The following NBAS variants were observed in gnomAD, a reference collection of about 807,000 sequenced individuals.
The protein encoded by NBAS is NBAS subunit of NRZ tethering complex.
In NBAS, 219 loss-of-function variants were observed where a neutral mutation model predicts 302.5. The ratio of observed to expected loss-of-function variants is 0.72; its 90% CI spans 0.65 to 0.81. The LOEUF (loss-of-function observed/expected upper bound fraction) is 0.81. Ranked by LOEUF, NBAS falls within the 30% of genes least tolerant of loss-of-function variation. The pLI is 0.00. For missense variants in NBAS, 2,932 were observed against 2,841.6 expected, an observed-to-expected ratio of 1.03 and a Z score of -0.72; for synonymous variants, 1,118 against 1,021.6, an observed-to-expected ratio of 1.09 and a Z score of -1.80.
the NBAS span, among the ~76,000 whole-genome samples, chr2:14,809,731 A>G: frequency 6.6e-6 from 1 of 152,118 alleles, no homozygotes; most frequent in East Asian, 1.9e-4. Context: ...TGTTCTCCAG[A>G]CCCCCAAATG....
At chr2:15,346,534 A>T (rs1049438879) in intron 35 of NBAS, among the ~76,000 whole-genome samples, 4 of 152,220 alleles carry the variant, frequency 2.6e-5, no homozygotes, top group East Asian at 1.9e-4. Context: ...AGAAATAGGA[A>T]TGCTTTTACA....
intron 47 of NBAS, among the ~76,000 whole-genome samples, chr2:15,219,691 C>T (rs1210944830): frequency 1.5e-5 from 2 of 137,764 alleles, no homozygotes; most frequent in East Asian, 4.2e-4. Flanking sequence ...TTTCTTAGTA[C>T]AGAACAAAAT....
At chr2:15,192,619 T>C (rs1432192282) in intron 48 of NBAS, among the ~76,000 whole-genome samples, 1 of 152,198 alleles carries the variant, frequency 6.6e-6, no homozygotes, top group East Asian at 1.9e-4. Context: ...CTGGGCATCA[T>C]ATCTGAAAAA....
the NBAS span, among the ~76,000 whole-genome samples, chr2:15,160,856 T>C: frequency 1.3e-5 from 2 of 152,178 alleles, no homozygotes; most frequent in African/African-American, 4.8e-5. Context: ...GGAACATCCA[T>C]TCTCAGGGTG....
chr2:14,781,497 G>A, the NBAS span, among the ~76,000 whole-genome samples: 1 of 151,632 alleles, frequency 6.6e-6, no homozygotes, highest in Admixed American at 6.6e-5. Context: ...ATCCAATACA[G>A]CATGGCAGGT....
At chr2:15,391,728 T>C (rs1161340469) in intron 28 of NBAS, among the ~76,000 whole-genome samples, 1 of 151,886 alleles carries the variant, frequency 6.6e-6, no homozygotes, top group African/African-American at 2.4e-5. Flanking sequence ...TGAAATTAAA[T>C]TTGAAACTGA....
At chr2:15,131,600 T>G in the NBAS span, among the ~76,000 whole-genome samples, 1 of 152,158 alleles carries the variant, frequency 6.6e-6, no homozygotes, top group Non-Finnish European at 1.5e-5. Flanking sequence ...TTTTTAAAAT[T>G]TTATTATTAT....
chr2:15,374,087 A>G (rs1374042190), intron 31 of NBAS, among the ~76,000 whole-genome samples: 1 of 152,220 alleles, frequency 6.6e-6, no homozygotes, highest in Non-Finnish European at 1.5e-5. Context: ...TATTCAAATA[A>G]AAGAAGTTGA....
At chr2:14,809,847 G>A in the NBAS span, among the ~76,000 whole-genome samples, 1 of 152,168 alleles carries the variant, frequency 6.6e-6, no homozygotes, top group African/African-American at 2.4e-5. Flanking sequence ...AAAGCCACAG[G>A]GGTGGAGCTG....
chr2:14,779,407 G>C, the NBAS span, among the ~76,000 whole-genome samples: 2 of 152,090 alleles, frequency 1.3e-5, no homozygotes, highest in African/African-American at 4.8e-5. Flanking sequence ...CGTTTGAGTG[G>C]AGTGCAAAGC....
rs1667114125 is a variant in NBAS, at chr2:15,225,441, T to C, written c.6237-6473A>G. Among the ~76,000 whole-genome samples the C allele has an allele frequency of 2.0e-5, 3 of 152,262 alleles. No homozygotes were observed. The South Asian group carries it at 6.2e-4, about 32-fold the overall frequency. On this transcript the variant is annotated intron_variant, in intron 47 of 51. Coordinates refer to ENST00000281513, the MANE Select transcript of NBAS (RefSeq NM_015909.4). ...TCAGAGAACACTGGATGATCTACTT[T>C]GCCTCACAGAGCAGGAAGAAGGAAA...
At chr2:15,081,710 C>T in the NBAS span, among the ~76,000 whole-genome samples, 1 of 152,200 alleles carries the variant, frequency 6.6e-6, no homozygotes. Context: ...GGGTCTCTCC[C>T]TCTTAAACCC....
chr2:14,924,408 C>A, the NBAS span, among the ~76,000 whole-genome samples: 1 of 152,236 alleles, frequency 6.6e-6, no homozygotes, highest in East Asian at 1.9e-4. Flanking sequence ...TGCCTCACAG[C>A]TGAATCCACA....
intron 28 of NBAS, among the ~76,000 whole-genome samples, chr2:15,386,213 G>A (rs1186480231): frequency 6.6e-6 from 1 of 152,168 alleles, no homozygotes; most frequent in Non-Finnish European, 1.5e-5. Flanking sequence ...GCAAGAGACA[G>A]TCAGAGAGGT....
At chr2:15,259,877 A>G (rs1017303771) in intron 44 of NBAS, among the ~76,000 whole-genome samples, 1 of 152,202 alleles carries the variant, frequency 6.6e-6, no homozygotes, top group Non-Finnish European at 1.5e-5. Flanking sequence ...AGCTTGGTTT[A>G]TGCTGGGCTC....
intron 51 of NBAS, among the ~76,000 whole-genome samples, chr2:15,169,332 G>GTTT (rs1410041706): frequency 6.6e-6 from 1 of 152,164 alleles, no homozygotes; most frequent in African/African-American, 2.4e-5. Flanking sequence ...CAATGGACTT[G>GTTT]CTTTTGTGCT....
At chr2:15,210,058 G>A (rs1230819367) in intron 48 of NBAS, among the ~76,000 whole-genome samples, 1 of 152,056 alleles carries the variant, frequency 6.6e-6, no homozygotes, top group Non-Finnish European at 1.5e-5. Context: ...CAGAACACTG[G>A]ACTGGACAAA....
At chr2:14,924,365 G>A in the NBAS span, among the ~76,000 whole-genome samples, 1 of 152,352 alleles carries the variant, frequency 6.6e-6, no homozygotes, top group East Asian at 1.9e-4. Flanking sequence ...AAATCGCTAG[G>A]AAGAAGTTGT....
chr2:14,965,741 A>C, the NBAS span, among the ~76,000 whole-genome samples: 2 of 151,606 alleles, frequency 1.3e-5, no homozygotes, highest in Non-Finnish European at 2.9e-5. Flanking sequence ...AGTATGAAAA[A>C]CATCTCTTAT....
Sources: gnomAD v4.1 joint callset for allele counts (sites outside exome capture counted in the v4.1 genomes callset) on GRCh38, gnomAD v4.1.1 for gene constraint, MANE v1.5 for transcripts, NCBI Gene and HGNC (gene_info 2026-07-23, HGNC 2026-07-21) for gene names.